The following CC2D2A variants were observed in gnomAD, a reference collection of about 807,000 sequenced individuals.
CC2D2A encodes the protein coiled-coil and C2 domain-containing protein 2A.
A neutral mutation model predicts 212.9 loss-of-function variants in CC2D2A; 155 were observed. That is an observed-to-expected ratio of 0.73 (90% CI 0.64 to 0.83). CC2D2A has a LOEUF of 0.83. CC2D2A is among the 40% of genes least tolerant of loss of function. CC2D2A has a pLI of 0.00. For synonymous variants in CC2D2A, 667 were observed against 686.5 expected, an observed-to-expected ratio of 0.97 and a Z score of 0.44; for missense variants, 1,856 against 1,956.2, an observed-to-expected ratio of 0.95 and a Z score of 0.97.
chr4:15,517,048 C>T (rs959661228), intron 11 of CC2D2A, among the ~76,000 whole-genome samples: 13 of 150,540 alleles, frequency 8.6e-5, no homozygotes, highest in African/African-American at 2.9e-4. Flanking sequence ...CCCGGGTTCA[C>T]GCCATTCTCC....
intron 2 of CC2D2A, among the ~76,000 whole-genome samples, chr4:15,478,232 A>G (rs1018677146): frequency 6.6e-6 from 1 of 152,240 alleles, no homozygotes; most frequent in African/African-American, 2.4e-5. Flanking sequence ...AACTTGAAGC[A>G]TTTGTGATGA....
rs1483884923 is a variant in CC2D2A at position 15,510,244 on chromosome 4, A to G, written c.540+4A>G. 2 of 1,605,038 alleles carry G rather than the reference A, an allele frequency of 1.2e-6. No homozygotes were observed. Among genetic ancestry groups the G allele is most frequent in the Non-Finnish European group, 1.7e-6 (2 of 1,175,672 alleles). On this transcript the variant is annotated splice_donor_region_variant and intron_variant, in intron 7 of 36. Transcript: ENST00000424120. ...AAAAATCAAGCCTAAACCCCAGGTG[A>G]GAAATCTTGTTTTTTAAAATCATTT...
intron 29 of CC2D2A, 43 bp downstream of exon 29, chr4:15,574,369 A>T (rs1720304933): frequency 6.9e-7 from 1 of 1,440,700 alleles, no homozygotes; most frequent in Non-Finnish European, 9.3e-7. Context: ...TGTTGATAAA[A>T]CACAAGAAAT....
intron 33 of CC2D2A, among the ~76,000 whole-genome samples, chr4:15,593,614 T>G (rs1721199376): frequency 6.6e-6 from 1 of 152,162 alleles, no homozygotes; most frequent in African/African-American, 2.4e-5. Context: ...TGATTCCCCT[T>G]TGCAGTCTTT....
chr4:15,541,686 A>G (rs1031281740), intron 17 of CC2D2A, among the ~76,000 whole-genome samples: 1 of 152,186 alleles, frequency 6.6e-6, no homozygotes, highest in African/African-American at 2.4e-5. Flanking sequence ...GAAATCAATT[A>G]TGCCGCAATC....
At chr4:15,533,783 T>G (rs2109030410) in intron 14 of CC2D2A, among the ~76,000 whole-genome samples, 1 of 152,342 alleles carries the variant, frequency 6.6e-6, no homozygotes, top group South Asian at 2.1e-4. Flanking sequence ...ATAGCCAAAC[T>G]TGTCCATTTC....
At chr4:15,499,271 T>C (rs1253846711) in intron 4 of CC2D2A, among the ~76,000 whole-genome samples, 1 of 152,154 alleles carries the variant, frequency 6.6e-6, no homozygotes, top group African/African-American at 2.4e-5. Flanking sequence ...TTTTGGGTGA[T>C]TGATGCGTCA....
intron 32 of CC2D2A, among the ~76,000 whole-genome samples, 164 bp downstream of exon 32, chr4:15,588,093 T>C (rs186329123): frequency 2.1e-4 from 32 of 152,326 alleles, no homozygotes; most frequent in African/African-American, 7.7e-4. Flanking sequence ...TGATAAGACA[T>C]GAAATGGTTT....
In CC2D2A at chr4:15,557,384, T is replaced by C. The variant is rs1719344792; in HGVS notation, c.2706T>C (p.Asp902=). Residue 902 remains aspartate (D), a synonymous_variant, in exon 21 of 37, where the codon GAT becomes GAC. Coordinates refer to ENST00000424120, the MANE Select transcript of CC2D2A (RefSeq NM_001378615.1). ...QLQQEFNFVS[D]QELNRSKRFR... ...AACAGGAGTTTAACTTTGTTTCAGA[T>C]CAAGAATTAAATAGATCCAAACGAT... The C allele has an allele frequency of 6.2e-7, 1 of 1,613,634 alleles. No homozygotes were observed. The highest frequency in any genetic ancestry group is 1.3e-5 in the African/African-American group (1 of 74,912).
At chr4:15,554,400 C>T (rs1031886373) in intron 19 of CC2D2A, among the ~76,000 whole-genome samples, 11 of 152,094 alleles carry the variant, frequency 7.2e-5, no homozygotes, top group African/African-American at 2.4e-4. Flanking sequence ...AGGCTGGGCA[C>T]GGTGGCTCAC....
At chr4:15,562,351 C>T (rs1719651900) in intron 23 of CC2D2A, among the ~76,000 whole-genome samples, 2 of 152,260 alleles carry the variant, frequency 1.3e-5, no homozygotes, top group African/African-American at 2.4e-5. Flanking sequence ...CCATTAACAT[C>T]AGCTTCCAGA....
chr4:15,475,939 C>A lies in CC2D2A; in HGVS notation c.7C>A (p.Pro3Thr), dbSNP rs745734694. The change falls in exon 2 of 37, where the codon CCC (proline) becomes ACC (threonine). Residue 3 changes from proline to threonine, a missense_variant. Physicochemically the swap from Pro to Thr is conservative, Grantham distance 38. Coordinates refer to ENST00000424120, the MANE Select transcript of CC2D2A (RefSeq NM_001378615.1). MN[P>T]REEKVKIITE... is the part of the protein sequence containing the mutation. ...GGGACCCATCCCAGCCAAAATGAAT[C>A]CCAGGGAAGAAAAAGTAAAAATAAT... The A allele has an allele frequency of 3.1e-6, 5 of 1,588,480 alleles. No individual in the cohort carries two copies. In the East Asian group the frequency reaches 1.1e-4, roughly 36 times the overall value.
chr4:15,492,156 T>A (rs1389662542), intron 4 of CC2D2A, among the ~76,000 whole-genome samples: 1 of 152,220 alleles, frequency 6.6e-6, no homozygotes, highest in East Asian at 1.9e-4. Flanking sequence ...GACTTTACAT[T>A]TTTTTCTATT....
intron 30 of CC2D2A, among the ~76,000 whole-genome samples, chr4:15,582,618 C>T (rs1265926309): frequency 6.6e-6 from 1 of 152,060 alleles, no homozygotes; most frequent in African/African-American, 2.4e-5. Context: ...AATTCATGAA[C>T]ATATACAACT....
chr4:15,556,967 G>A (rs931914728), intron 20 of CC2D2A, among the ~76,000 whole-genome samples: 1 of 152,172 alleles, frequency 6.6e-6, no homozygotes, highest in East Asian at 1.9e-4. Flanking sequence ...ATGTATATGG[G>A]TAATCTTATT....
chr4:15,568,074 G>T (rs555104195), intron 26 of CC2D2A, among the ~76,000 whole-genome samples: 19 of 152,242 alleles, frequency 1.2e-4, no homozygotes, highest in African/African-American at 4.3e-4. Flanking sequence ...TCATTCCCTT[G>T]ACCCCAATGA....
chr4:15,557,471 A>G lies in CC2D2A; in HGVS notation c.2793A>G (p.Pro931=). 1 of 1,611,414 alleles carries G rather than the reference A, an allele frequency of 6.2e-7. No homozygotes were observed. Among genetic ancestry groups the G allele is most frequent in the Non-Finnish European group, 8.5e-7 (1 of 1,178,846 alleles). ...VPEFRNYKQV[P]VYDREIMEKV... ...AATTCCGAAATTATAAGCAAGTTCC[A>G]GTCTATGACCGAGAAATTATGGAAA... is the stretch of plus-strand genomic sequence containing the variant. The change falls in exon 21 of 37, where the codon CCA becomes CCG. Residue 931 remains proline, a synonymous_variant. Coordinates refer to ENST00000424120, the MANE Select transcript of CC2D2A (RefSeq NM_001378615.1).
chr4:15,548,530 A>G (rs1279813767), intron 17 of CC2D2A, among the ~76,000 whole-genome samples: 1 of 152,096 alleles, frequency 6.6e-6, no homozygotes, highest in Non-Finnish European at 1.5e-5. Context: ...GCTTCCTACA[A>G]AAGGATGTCT....
chr4:15,528,819 T>C (rs768267855), intron 13 of CC2D2A, 93 bp downstream of exon 13: 52 of 777,010 alleles, frequency 6.7e-5, no homozygotes, highest in Non-Finnish European at 1.0e-4. Context: ...CTGAATGCAA[T>C]GAATACATGT....
Sources: gnomAD v4.1 joint callset for allele counts (sites outside exome capture counted in the v4.1 genomes callset) on GRCh38, gnomAD v4.1.1 for gene constraint, MANE v1.5 for transcripts, NCBI Gene and HGNC (gene_info 2026-07-23, HGNC 2026-07-21) for gene names.